Variants in LRRC4C observed in about 807,000 individuals in gnomAD.
The protein encoded by LRRC4C is leucine-rich repeat-containing protein 4C.
A neutral mutation model predicts 33.6 loss-of-function variants in LRRC4C; 5 were observed. The observed-to-expected ratio is 0.15, with a 90% CI of 0.08 to 0.31. LRRC4C has a LOEUF of 0.31. Among genes scored for constraint, LRRC4C ranks in the 10% least tolerant of loss-of-function variants. The probability of loss-of-function intolerance (pLI) is 1.00; values close to 1 mark genes in which losing one functional copy is unlikely to be tolerated. For synonymous variants in LRRC4C, 329 were observed against 302.0 expected (o/e 1.09, Z -0.93); for missense variants, 560 against 796.7 (o/e 0.70, Z 3.58).
intron 1 of LRRC4C, among the ~76,000 whole-genome samples, chr11:41,094,511 G>T (rs945743361): frequency 3.3e-5 from 5 of 152,026 alleles, no homozygotes; most frequent in Non-Finnish European, 5.9e-5. Context: ...ACAACACAGC[G>T]AGACTCTGTC....
chr11:40,514,352 C>A (rs1380535936), intron 3 of LRRC4C, among the ~76,000 whole-genome samples: 1 of 152,196 alleles, frequency 6.6e-6, no homozygotes, highest in Non-Finnish European at 1.5e-5. Context: ...GGAGCCAAAT[C>A]ATTCTTGGCT....
In LRRC4C at chr11:40,687,655, A is replaced by G. The variant is rs542278222; in HGVS notation, c.-406-39377T>C. ...GTACATAAGTATTAATATATGAGAAATGCTAAACTTTGTCTTTCTTGCTAT... is the reference window on the plus strand; with the variant it reads ...GTACATAAGTATTAATATATGAGAAGTGCTAAACTTTGTCTTTCTTGCTAT... On this transcript the variant is annotated intron_variant, in intron 2 of 6. Coordinates refer to ENST00000528697, the MANE Select transcript of LRRC4C (RefSeq NM_001258419.2). 1.4e-4 allele frequency among the ~76,000 whole-genome samples: 21 copies of G among 152,244 alleles called. No individual in the cohort carries two copies. In the South Asian group the frequency reaches 2.1e-3, roughly 15 times the overall value.
At chr11:40,970,021 A>C (rs1213162116) in intron 1 of LRRC4C, among the ~76,000 whole-genome samples, 1 of 152,128 alleles carries the variant, frequency 6.6e-6, no homozygotes, top group East Asian at 1.9e-4. Context: ...GTATCATAAG[A>C]ACATGCCAAT....
intron 3 of LRRC4C, among the ~76,000 whole-genome samples, chr11:40,512,560 C>A (rs1394195158): frequency 6.6e-6 from 1 of 152,260 alleles, no homozygotes; most frequent in East Asian, 1.9e-4. Context: ...ACCAAAGTCA[C>A]AACCACAGGC....
At chr11:40,770,906 C>A (rs1005771117) in intron 2 of LRRC4C, among the ~76,000 whole-genome samples, 20 of 152,134 alleles carry the variant, frequency 1.3e-4, no homozygotes, top group South Asian at 8.3e-4. Context: ...TACAACCCCC[C>A]CTCCCAGCTG....
chr11:40,305,619 A>G (rs896481640), intron 4 of LRRC4C, among the ~76,000 whole-genome samples: 1 of 152,118 alleles, frequency 6.6e-6, no homozygotes, highest in Admixed American at 6.5e-5. Context: ...CAAAAAAAAA[A>G]AAAAGGAAGA....
chr11:40,752,184 T>G (rs781334443), intron 2 of LRRC4C, among the ~76,000 whole-genome samples: 3 of 152,068 alleles, frequency 2.0e-5, no homozygotes, highest in African/African-American at 7.2e-5. Flanking sequence ...CTTCAAGACG[T>G]TGGTTTAGGC....
chr11:40,253,270 A>G (rs1291177749), intron 4 of LRRC4C, among the ~76,000 whole-genome samples: 1 of 152,226 alleles, frequency 6.6e-6, no homozygotes, highest in East Asian at 1.9e-4. Flanking sequence ...TGACTTTACA[A>G]TGGCATATTT....
chr11:40,398,034 A>G (rs566127288), intron 3 of LRRC4C, among the ~76,000 whole-genome samples: 2 of 152,174 alleles, frequency 1.3e-5, no homozygotes, highest in South Asian at 2.1e-4. Flanking sequence ...AAAGTAGCTT[A>G]TAATAGGAAA....
intron 1 of LRRC4C, among the ~76,000 whole-genome samples, chr11:41,103,463 C>G (rs1941315826): frequency 6.6e-6 from 1 of 150,800 alleles, no homozygotes. Context: ...TAATGTCATT[C>G]TTCATAATGT....
intron 3 of LRRC4C, among the ~76,000 whole-genome samples, chr11:40,597,822 G>A (rs542166590): frequency 6.6e-6 from 1 of 152,108 alleles, no homozygotes. Context: ...ATACAGTAAC[G>A]AAAAGGGATT....
chr11:40,199,657 A>G (rs941267151), intron 5 of LRRC4C, among the ~76,000 whole-genome samples: 2 of 152,222 alleles, frequency 1.3e-5, no homozygotes, highest in African/African-American at 4.8e-5. Flanking sequence ...AAAGATATTA[A>G]GATTCTAGAG....
chr11:40,286,366 G>A (rs943365237), intron 4 of LRRC4C, among the ~76,000 whole-genome samples: 2 of 151,994 alleles, frequency 1.3e-5, no homozygotes, highest in Admixed American at 6.6e-5. Context: ...GTAAACCCGG[G>A]AAGTGTTGAA....
intron 3 of LRRC4C, among the ~76,000 whole-genome samples, chr11:40,575,021 T>C (rs1217849997): frequency 6.6e-6 from 1 of 152,084 alleles, no homozygotes; most frequent in Non-Finnish European, 1.5e-5. Context: ...ATTGACTGGG[T>C]CACAGTCAAA....
intron 5 of LRRC4C, among the ~76,000 whole-genome samples, chr11:40,207,400 C>T (rs1863240214): frequency 6.6e-6 from 1 of 152,066 alleles, no homozygotes. Flanking sequence ...GAGTTCAAAA[C>T]CAGCCCAGGG....
At chr11:40,346,707 GTT>G (rs1023687629) in intron 3 of LRRC4C, among the ~76,000 whole-genome samples, 2 of 152,052 alleles carry the variant, frequency 1.3e-5, no homozygotes, top group African/African-American at 4.8e-5. Flanking sequence ...TAAAATAAAC[GTT>G]TTTTTAAAAG....
intron 6 of LRRC4C, among the ~76,000 whole-genome samples, chr11:40,128,806 G>A (rs1397452584): frequency 6.6e-6 from 1 of 151,900 alleles, no homozygotes; most frequent in Non-Finnish European, 1.5e-5. Flanking sequence ...TTGCGTGGTT[G>A]GTTTTCCTTT....
chr11:40,585,176 G>C (rs1200487552), intron 3 of LRRC4C, among the ~76,000 whole-genome samples: 1 of 152,050 alleles, frequency 6.6e-6, no homozygotes, highest in Admixed American at 6.6e-5. Flanking sequence ...GGGACAGCAG[G>C]GGAGCTAGAA....
chr11:40,148,557 G>A (rs1483889259), intron 5 of LRRC4C, among the ~76,000 whole-genome samples: 2 of 152,068 alleles, frequency 1.3e-5, no homozygotes, highest in East Asian at 1.9e-4. Context: ...ATTAGTTTAA[G>A]TTCCTTATAG....
Sources: gnomAD v4.1 joint callset for allele counts (sites outside exome capture counted in the v4.1 genomes callset) on GRCh38, gnomAD v4.1.1 for gene constraint, MANE v1.5 for transcripts, NCBI Gene and HGNC (gene_info 2026-07-23, HGNC 2026-07-21) for gene names.